ALMS1: variants seen among roughly 807,000 people sequenced by gnomAD.
ALMS1 encodes the protein ALMS1 centrosome and basal body associated protein.
ALMS1 carries 271 observed loss-of-function variants against 352.2 expected under a neutral mutation model. The observed-to-expected ratio is 0.77, with a 90% CI of 0.70 to 0.85. ALMS1 has a LOEUF of 0.85. ALMS1 is among the 40% of genes least tolerant of loss of function. The probability of loss-of-function intolerance (pLI) is 0.00; values close to 1 mark genes in which losing one functional copy is unlikely to be tolerated. For missense variants in ALMS1, 5,445 were observed against 4,870.7 expected, an observed-to-expected ratio of 1.12 and a Z score of -3.51; for synonymous variants, 1,865 against 1,761.2, an observed-to-expected ratio of 1.06 and a Z score of -1.48.
chr2:73,393,304 G>C (rs180766840), intron 1 of ALMS1, among the ~76,000 whole-genome samples: 1 of 151,926 alleles, frequency 6.6e-6, no homozygotes, highest in African/African-American at 2.4e-5. Context: ...ATTACATGTA[G>C]GTCTTTGATC....
rs1572901837 is a variant in ALMS1, at chr2:73,403,572, C to T, written c.325-5050C>T. ...TTTTTTCTATTTTTGTGAAAAATGC[C>T]ATTGGCATTTTCATAAGGATTGTGT... On this transcript the variant is annotated intron_variant, in intron 1 of 22. Coordinates refer to ENST00000613296, the MANE Select transcript of ALMS1 (RefSeq NM_001378454.1). 3.3e-5 allele frequency among the ~76,000 whole-genome samples: 5 copies of T among 151,774 alleles called. No homozygotes were observed. The South Asian group carries it at 1.0e-3, about 32-fold the overall frequency.
At chr2:73,504,491 G>A (rs1353076518) in intron 10 of ALMS1, among the ~76,000 whole-genome samples, 1 of 152,110 alleles carries the variant, frequency 6.6e-6, no homozygotes, top group East Asian at 1.9e-4. Context: ...ATTTTGAGAA[G>A]TTATATAGAT....
At chr2:73,421,770 A>G (rs1671288989) in intron 3 of ALMS1, among the ~76,000 whole-genome samples, 1 of 152,164 alleles carries the variant, frequency 6.6e-6, no homozygotes, top group East Asian at 1.9e-4. Context: ...GTTTTGACTA[A>G]GTAAAGGACA....
chr2:73,432,372 G>A, intron 7 of ALMS1, 81 bp downstream of exon 7: 2 of 993,112 alleles, frequency 2.0e-6, no homozygotes, highest in Non-Finnish European at 3.1e-6. Flanking sequence ...ATCTAATTTT[G>A]TATTTTTTAA....
chr2:73,528,072 T>G (rs995246770), intron 11 of ALMS1, among the ~76,000 whole-genome samples: 2 of 152,196 alleles, frequency 1.3e-5, no homozygotes, highest in African/African-American at 4.8e-5. Context: ...TTCCTTTCAT[T>G]ATTGATTTCT....
intron 10 of ALMS1, 119 bp from the exon 11 acceptor site, chr2:73,519,656 G>A (rs1673630991): frequency 1.1e-5 from 14 of 1,300,400 alleles, no homozygotes; most frequent in Non-Finnish European, 1.5e-5. Flanking sequence ...TGACATTGAT[G>A]TGTCCACAAT....
In ALMS1 at chr2:73,450,281, G is replaced by T. The variant is rs1671904048; in HGVS notation, c.3754G>T (p.Val1252Phe). 1.9e-6 allele frequency: 3 copies of T among 1,613,508 alleles called. No homozygotes were observed. Among genetic ancestry groups the T allele is most frequent in the Non-Finnish European group, 2.5e-6 (3 of 1,179,886 alleles). Residue 1252 changes from valine (V) to phenylalanine (F), a missense_variant, in exon 8 of 23, where the codon GTC becomes TTC. By Grantham distance (50) the Val-to-Phe change is conservative. Coordinates refer to ENST00000613296, the MANE Select transcript of ALMS1 (RefSeq NM_001378454.1). ...GAAGCCTGGTATTTTCTACCAACAG[G>T]TCTTGCCAGATAATCATCCAACTGA... The part of the protein sequence containing the change: ...TEKPGIFYQQ[V>F]LPDNHPTEEA...
At chr2:73,518,942 T>A (rs1673615284) in intron 10 of ALMS1, among the ~76,000 whole-genome samples, 1 of 152,192 alleles carries the variant, frequency 6.6e-6, no homozygotes, top group Non-Finnish European at 1.5e-5. Flanking sequence ...ATCCCACTTG[T>A]CAGTTTTTGC....
intron 10 of ALMS1, among the ~76,000 whole-genome samples, chr2:73,507,775 C>T (rs1673361839): frequency 6.6e-6 from 1 of 152,076 alleles, no homozygotes; most frequent in Non-Finnish European, 1.5e-5. Flanking sequence ...TCTCTATTTC[C>T]TTCAGTTCTG....
intron 9 of ALMS1, among the ~76,000 whole-genome samples, chr2:73,478,200 A>G (rs1451490348): frequency 6.6e-6 from 1 of 152,186 alleles, no homozygotes; most frequent in Non-Finnish European, 1.5e-5. Context: ...TGAACTGAAC[A>G]GTAGCTTTTA....
intron 16 of ALMS1, among the ~76,000 whole-genome samples, chr2:73,590,686 T>TG (rs199716536): frequency 0.024 from 3,511 of 144,190 alleles, 152 homozygotes; most frequent in Admixed American, 0.091. Context: ...ACTTTTTTTT[T>TG]TTTTTTTTTT....
intron 2 of ALMS1, among the ~76,000 whole-genome samples, chr2:73,417,955 CAAG>C (rs2103698232): frequency 1.3e-5 from 2 of 152,166 alleles, no homozygotes; most frequent in East Asian, 3.9e-4. Flanking sequence ...ACTGGTCTGT[CAAG>C]AGGTAAGTAT....
rs1674901010 is a variant in ALMS1 at position 73,570,409 on chromosome 2, CAT to C, written c.10385-1852_10385-1851del. On this transcript the variant is annotated intron_variant, in intron 15 of 22. Coordinates refer to ENST00000613296, the MANE Select transcript of ALMS1 (RefSeq NM_001378454.1). Reference sequence around the variant, plus strand: ...GAACATTTCCTGGAAATTGGCCATACATTGAGGTCATTGATCATATTAGCAAG... The same window carrying C: ...GAACATTTCCTGGAAATTGGCCATACTGAGGTCATTGATCATATTAGCAAG... Among the ~76,000 whole-genome samples the C allele has an allele frequency of 3.3e-5, 5 of 152,222 alleles. No homozygotes were observed. The South Asian group carries it at 1.0e-3, about 32-fold the overall frequency.
At chr2:73,549,492 C>G (rs1337747717) in intron 12 of ALMS1, among the ~76,000 whole-genome samples, 2 of 152,192 alleles carry the variant, frequency 1.3e-5, no homozygotes, top group East Asian at 3.9e-4. Flanking sequence ...TTAATATCTT[C>G]TACCACTGTC....
At position 73,609,552 on chromosome 2, in the gene ALMS1, T is replaced by G. The variant is rs1675895199; in HGVS notation, c.12463-16T>G. 6 of 1,613,930 alleles carry G rather than the reference T, an allele frequency of 3.7e-6. No individual in the cohort carries two copies. Among genetic ancestry groups the G allele is most frequent in the Non-Finnish European group, 5.1e-6 (6 of 1,179,912 alleles). On this transcript the variant is annotated splice_polypyrimidine_tract_variant and intron_variant, in intron 22 of 22. Transcript: ENST00000613296. ...GTAATATCTAACTTCTTTCCTGCCT[T>G]TCTTTTCTTCTACAGAGAGTGACCA...
chr2:73,505,095 T>C (rs1176008432), intron 10 of ALMS1, among the ~76,000 whole-genome samples: 1 of 152,236 alleles, frequency 6.6e-6, no homozygotes, highest in African/African-American at 2.4e-5. Context: ...GGTATATATG[T>C]GCCACATTTT....
chr2:73,549,639 C>G (rs1200586636), intron 12 of ALMS1, among the ~76,000 whole-genome samples: 1 of 152,028 alleles, frequency 6.6e-6, no homozygotes, highest in African/African-American at 2.4e-5. Context: ...ACTTTTTTTC[C>G]AAGATACAAT....
intron 6 of ALMS1, among the ~76,000 whole-genome samples, chr2:73,428,297 T>C (rs1671420357): frequency 6.6e-6 from 1 of 152,176 alleles, no homozygotes; most frequent in South Asian, 2.1e-4. Flanking sequence ...CTCATAATTA[T>C]TCAGCAATTG....
intron 16 of ALMS1, among the ~76,000 whole-genome samples, chr2:73,586,630 T>C (rs1675319729): frequency 6.6e-6 from 1 of 152,230 alleles, no homozygotes; most frequent in Non-Finnish European, 1.5e-5. Flanking sequence ...ACCAGTACCA[T>C]GCTGTTTTGT....
Sources: allele counts gnomAD v4.1 joint callset (sites outside exome capture counted in the v4.1 genomes callset), GRCh38; gene constraint gnomAD v4.1.1; transcripts MANE v1.5; gene names NCBI Gene and HGNC (gene_info 2026-07-23, HGNC 2026-07-21).